CERT1: variants seen among roughly 807,000 people sequenced by gnomAD.
CERT1 encodes ceramide transfer protein.
In CERT1, 31 loss-of-function variants were observed where a neutral mutation model predicts 87.9. The ratio of observed to expected loss-of-function variants is 0.35; its 90% confidence interval spans 0.27 to 0.48. CERT1 has a LOEUF of 0.48. Ranked by LOEUF, CERT1 falls within the 20% of genes least tolerant of loss-of-function variation. The probability of loss-of-function intolerance (pLI) is 0.99; values close to 1 mark genes in which losing one functional copy is unlikely to be tolerated. For synonymous variants in CERT1, 289 were observed against 250.9 expected (o/e 1.15, Z -1.44); for missense variants, 487 against 758.0 (o/e 0.64, Z 4.20).
chr5:75,433,003 G>A (rs1763937589), intron 3 of CERT1, among the ~76,000 whole-genome samples: 1 of 152,162 alleles, frequency 6.6e-6, no homozygotes, highest in African/African-American at 2.4e-5. Flanking sequence ...AGAACAGATG[G>A]TTGTGGTTGT....
At chr5:75,396,428 G>T (rs1762256299) in intron 11 of CERT1, among the ~76,000 whole-genome samples, 1 of 152,142 alleles carries the variant, frequency 6.6e-6, no homozygotes, top group Non-Finnish European at 1.5e-5. Flanking sequence ...GTATATTTGT[G>T]TATTAAGAAC....
intron 3 of CERT1, among the ~76,000 whole-genome samples, chr5:75,432,362 C>G (rs931379495): frequency 6.6e-6 from 1 of 152,116 alleles, no homozygotes; most frequent in Non-Finnish European, 1.5e-5. Context: ...CCAAGCATTC[C>G]CTTTTCTCTG....
At position 75,455,646 on chromosome 5, in the gene CERT1, C is replaced by T. The variant is rs1764951567; in HGVS notation, c.348+3419G>A. 2.6e-5 allele frequency among the ~76,000 whole-genome samples: 4 copies of T among 152,204 alleles called. No individual in the cohort carries two copies. In the South Asian group the frequency reaches 8.3e-4, roughly 32 times the overall value. On this transcript the variant is annotated intron_variant, in intron 3 of 16. Transcript: ENST00000643780. Reference sequence around the variant, plus strand: ...TAATATACTGTCCTGTTTGACAATCCACGGGCGAAAAGAAAAATGAGTTCA... The same window carrying T: ...TAATATACTGTCCTGTTTGACAATCTACGGGCGAAAAGAAAAATGAGTTCA...
intron 3 of CERT1, among the ~76,000 whole-genome samples, chr5:75,456,663 C>CAAAAAAAAAAA (rs34320476): frequency 1.4e-5 from 1 of 69,424 alleles, no homozygotes; most frequent in Non-Finnish European, 2.7e-5. Flanking sequence ...GACCTCATCT[C>CAAAAAAAAAAA]AAAAAAAAAA....
chr5:75,442,318 C>T (rs535699164), intron 3 of CERT1, among the ~76,000 whole-genome samples: 1 of 152,294 alleles, frequency 6.6e-6, no homozygotes, highest in East Asian at 1.9e-4. Flanking sequence ...GCCTCCCAGG[C>T]TCAAGCAATA....
At chr5:75,376,872 AAGAC>A (rs906283264), downstream of CERT1, 1 of 152,220 alleles carries the variant, frequency 6.6e-6, no homozygotes, top group Non-Finnish European at 1.5e-5. Context: ...TTTTAAAAGA[AAGAC>A]ATACTATAAA....
intron 5 of CERT1, 118 bp downstream of exon 5, chr5:75,425,243 T>C: frequency 2.2e-6 from 2 of 922,720 alleles, no homozygotes; most frequent in Non-Finnish European, 3.2e-6. Context: ...TCACTGGGGG[T>C]TTGCAGCAAA....
intron 2 of CERT1, among the ~76,000 whole-genome samples, chr5:75,463,034 T>C (rs1309284065): frequency 7.1e-6 from 1 of 141,448 alleles, no homozygotes; most frequent in Non-Finnish European, 1.5e-5. Context: ...GTTAAACAGA[T>C]TTGAGAAAAG....
chr5:75,507,364 G>A (rs1374926951), intron 1 of CERT1, among the ~76,000 whole-genome samples: 1 of 151,988 alleles, frequency 6.6e-6, no homozygotes, highest in Non-Finnish European at 1.5e-5. Context: ...GTCTTCCTTG[G>A]TCTCCCAAAG....
chr5:75,456,077 T>A (rs888907605), intron 3 of CERT1, among the ~76,000 whole-genome samples: 3 of 152,152 alleles, frequency 2.0e-5, no homozygotes, highest in African/African-American at 7.2e-5. Flanking sequence ...TTACTAAACT[T>A]AGCTTCCACA....
At chr5:75,464,917 G>C (rs1765397807) in intron 2 of CERT1, among the ~76,000 whole-genome samples, 1 of 152,044 alleles carries the variant, frequency 6.6e-6, no homozygotes, top group South Asian at 2.1e-4. Context: ...TCTTTCTCTG[G>C]CGCTGTAATT....
chr5:75,370,588 T>C (rs1761043259), intron 17 of CERT1: 2 of 152,076 alleles, frequency 1.3e-5, no homozygotes, highest in South Asian at 4.1e-4. Context: ...GTAATACATA[T>C]GACAAAAGAT....
chr5:75,489,071 G>A (rs62366602), intron 2 of CERT1, among the ~76,000 whole-genome samples: 6,300 of 152,174 alleles, frequency 0.041, 175 homozygotes, highest in Non-Finnish European at 0.063. Flanking sequence ...GAACAGAATA[G>A]AGGCCTCAGA....
chr5:75,369,106 G>GGGT (rs1279346187), intron 17 of CERT1: 1 of 151,970 alleles, frequency 6.6e-6, no homozygotes, highest in African/African-American at 2.4e-5. Context: ...TAGAGACAAG[G>GGGT]GGTTTCACCA....
chr5:75,439,259 C>T (rs1052067962), intron 3 of CERT1, among the ~76,000 whole-genome samples: 1 of 151,302 alleles, frequency 6.6e-6, no homozygotes, highest in African/African-American at 2.4e-5. Flanking sequence ...AATTTGGTAG[C>T]TTGGTTTAAT....
intron 2 of CERT1, among the ~76,000 whole-genome samples, chr5:75,483,343 T>C (rs1481233556): frequency 6.6e-6 from 1 of 151,412 alleles, no homozygotes; most frequent in African/African-American, 2.4e-5. Flanking sequence ...TCAGAGGAGA[T>C]AAAAAAAGAA....
intron 3 of CERT1, among the ~76,000 whole-genome samples, chr5:75,435,112 G>A (rs1205707356): frequency 6.6e-6 from 1 of 152,044 alleles, no homozygotes; most frequent in African/African-American, 2.4e-5. Flanking sequence ...CATATTTTTT[G>A]GAGGTTTTGT....
At chr5:75,405,299 G>A (rs988739488) in intron 8 of CERT1, among the ~76,000 whole-genome samples, 1 of 151,822 alleles carries the variant, frequency 6.6e-6, no homozygotes, top group Non-Finnish European at 1.5e-5. Flanking sequence ...CACTCTTATG[G>A]GGCTCCTTTG....
Position 75,379,337 on chromosome 5 carries a change from C to T in CERT1, c.*9G>A. ...AAAGATAAAACATATCTTCTAGTAC[C>T]TGTTAATACTAGAACAAAATAGGCT... On this transcript the variant is annotated 3_prime_UTR_variant, in exon 17 of 17. Transcript: ENST00000643780. 6.2e-7 allele frequency: 1 copy of T among 1,603,914 alleles called. No homozygotes were observed. Among genetic ancestry groups the T allele is most frequent in the Non-Finnish European group, 8.5e-7 (1 of 1,172,718 alleles).
Sources: allele counts gnomAD v4.1 joint callset (sites outside exome capture counted in the v4.1 genomes callset), GRCh38; gene constraint gnomAD v4.1.1; transcripts MANE v1.5; gene names NCBI Gene and HGNC (gene_info 2026-07-23, HGNC 2026-07-21).